TBC1D8: variants seen among roughly 807,000 people sequenced by gnomAD.
The protein encoded by TBC1D8 is TBC1 domain family member 8.
Under a neutral mutation model 118.8 loss-of-function variants are expected in TBC1D8, and 65 were observed. The observed-to-expected ratio is 0.55, with a 90% CI of 0.45 to 0.67. The LOEUF (loss-of-function observed/expected upper bound fraction) is 0.67, where lower values mean the gene tolerates loss of function less well. TBC1D8 is among the 30% of genes least tolerant of loss of function. The pLI is 0.00. For synonymous variants in TBC1D8, 566 were observed against 595.8 expected (o/e 0.95, Z 0.73); for missense variants, 1,376 against 1,471.2 (o/e 0.94, Z 1.06).
At chr2:101,073,300 A>AT (rs34252571) in intron 2 of TBC1D8, among the ~76,000 whole-genome samples, 47,654 of 143,278 alleles carry the variant, frequency 0.33, 8,153 homozygotes, top group Middle Eastern at 0.46. Context: ...TATTTTATTT[A>AT]TTTTTTTTTT....
chr2:101,088,441 A>T (rs1453218235), intron 2 of TBC1D8, among the ~76,000 whole-genome samples: 1 of 151,906 alleles, frequency 6.6e-6, no homozygotes, highest in Non-Finnish European at 1.5e-5. Flanking sequence ...GCACCCACCA[A>T]CATGCCCAGC....
At position 101,118,499 on chromosome 2, in the gene TBC1D8, A is replaced by G. The variant is rs367576215; in HGVS notation, c.128-28135T>C. Among the ~76,000 whole-genome samples, 203 of 151,810 alleles carry G rather than the reference A, an allele frequency of 1.3e-3. 3 individuals carry two copies. The East Asian group carries it at 0.027, about 20-fold the overall frequency. ...ATCACAAGGTCAGGAGATCGAGACC[A>G]TCCTGGCTAACACGGTGAAACCCTG... On this transcript the variant is annotated intron_variant, in intron 1 of 19. Coordinates refer to ENST00000409318, the MANE Select transcript of TBC1D8 (RefSeq NM_001330348.2).
rs1279581527 is a variant in TBC1D8 at position 101,040,399 on chromosome 2, G to A, written c.873-14C>T. 6.3e-7 allele frequency: 1 copy of A among 1,579,154 alleles called. No individual in the cohort carries two copies. The highest frequency in any genetic ancestry group is 8.6e-7 in the Non-Finnish European group (1 of 1,161,424). The stretch of plus-strand genomic sequence containing the variant: ...GCTTCCAGGTCCCTGGGGAAGGACA[G>A]GGAGAGAAGAAGAAGAGATAGGAAA... On this transcript the variant is annotated splice_polypyrimidine_tract_variant and intron_variant, in intron 5 of 19. Transcript: ENST00000409318.
chr2:101,057,452 G>A (rs990309871), intron 3 of TBC1D8, among the ~76,000 whole-genome samples: 7 of 152,220 alleles, frequency 4.6e-5, no homozygotes, highest in Admixed American at 4.6e-4. Flanking sequence ...GAGATGCTAT[G>A]TAAGCCCAAG....
intron 17 of TBC1D8, among the ~76,000 whole-genome samples, chr2:101,019,921 A>C (rs1229343463): frequency 1.3e-5 from 2 of 151,956 alleles, no homozygotes; most frequent in South Asian, 2.1e-4. Flanking sequence ...AAATACAAAA[A>C]ATTAGCTGGG....
chr2:101,109,069 C>T (rs1677410961), intron 1 of TBC1D8, among the ~76,000 whole-genome samples: 1 of 152,150 alleles, frequency 6.6e-6, no homozygotes, highest in Non-Finnish European at 1.5e-5. Flanking sequence ...TCAATCAGTG[C>T]CCACCTGCAG....
At chr2:101,017,083 AAAAAAAAG>A (rs201099563) in intron 17 of TBC1D8, among the ~76,000 whole-genome samples, 28,162 of 151,692 alleles carry the variant, frequency 0.19, 2,788 homozygotes, top group Middle Eastern at 0.32. Flanking sequence ...TTAAAAAAAA[AAAAAAAAG>A]ACAAACACGC....
chr2:101,022,607 T>C, intron 15 of TBC1D8, 86 bp from the exon 16 acceptor site: 5 of 1,485,426 alleles, frequency 3.4e-6, no homozygotes, highest in Non-Finnish European at 4.4e-6. Context: ...AATAAATTAC[T>C]CACAATCTCA....
chr2:101,125,517 T>C (rs1487792441), intron 1 of TBC1D8, among the ~76,000 whole-genome samples: 1 of 152,188 alleles, frequency 6.6e-6, no homozygotes, highest in Non-Finnish European at 1.5e-5. Flanking sequence ...TAAAAATCCT[T>C]ATTTCTGTTC....
intron 4 of TBC1D8, among the ~76,000 whole-genome samples, chr2:101,051,257 C>T (rs1487077226): frequency 1.3e-5 from 2 of 152,218 alleles, no homozygotes; most frequent in Admixed American, 6.5e-5. Flanking sequence ...ATTTATATTC[C>T]TTTGGATATA....
At chr2:101,118,796 C>T (rs1677966997) in intron 1 of TBC1D8, among the ~76,000 whole-genome samples, 1 of 152,122 alleles carries the variant, frequency 6.6e-6, no homozygotes, top group African/African-American at 2.4e-5. Context: ...GCTTGAGTCC[C>T]CACGAGTTCG....
chr2:101,061,423 G>T (rs1225965517), intron 2 of TBC1D8, among the ~76,000 whole-genome samples: 1 of 152,154 alleles, frequency 6.6e-6, no homozygotes, highest in Non-Finnish European at 1.5e-5. Context: ...ATAAAAAGAA[G>T]TATCTAATAG....
At chr2:101,086,887 G>A (rs761738479) in intron 2 of TBC1D8, among the ~76,000 whole-genome samples, 42 of 151,906 alleles carry the variant, frequency 2.8e-4, no homozygotes, top group Non-Finnish European at 4.9e-4. Flanking sequence ...GGGCTCAAGC[G>A]ATTCTCCTGC....
At chr2:101,130,399 G>A (rs754935971) in intron 1 of TBC1D8, among the ~76,000 whole-genome samples, 1 of 152,182 alleles carries the variant, frequency 6.6e-6, no homozygotes, top group Non-Finnish European at 1.5e-5. Context: ...TCACCAAGTC[G>A]GACCCTAGTG....
chr2:101,010,870 A>C (rs1679154794), intron 19 of TBC1D8, 59 bp downstream of exon 19: 1 of 1,420,764 alleles, frequency 7.0e-7, no homozygotes, highest in Non-Finnish European at 9.8e-7. Flanking sequence ...CGACAGAGCG[A>C]GACTCCATCT....
At chr2:101,040,084 G>C (rs2105399605) in intron 6 of TBC1D8, 94 bp downstream of exon 6, 1 of 1,432,238 alleles carries the variant, frequency 7.0e-7, no homozygotes, top group East Asian at 2.3e-5. Flanking sequence ...TGTGCCGTCT[G>C]AACTTCCCCT....
chr2:101,075,909 A>G (rs1376343958), intron 2 of TBC1D8, among the ~76,000 whole-genome samples: 1 of 152,258 alleles, frequency 6.6e-6, no homozygotes, highest in Non-Finnish European at 1.5e-5. Flanking sequence ...TGTTCACTGT[A>G]TAATTCTTTC....
intron 3 of TBC1D8, among the ~76,000 whole-genome samples, chr2:101,056,063 T>C (rs978545051): frequency 2.6e-5 from 4 of 151,130 alleles, no homozygotes; most frequent in African/African-American, 4.9e-5. Context: ...TTGGTAGGTA[T>C]GTCTCATGAA....
intron 1 of TBC1D8, among the ~76,000 whole-genome samples, chr2:101,102,502 C>T (rs960789919): frequency 6.7e-5 from 10 of 150,070 alleles, no homozygotes; most frequent in Admixed American, 2.7e-4. Context: ...TCTAAGTACA[C>T]CAACTAAATG....
Sources: allele counts gnomAD v4.1 joint callset (sites outside exome capture counted in the v4.1 genomes callset), GRCh38; gene constraint gnomAD v4.1.1; transcripts MANE v1.5; gene names NCBI Gene and HGNC (gene_info 2026-07-23, HGNC 2026-07-21).